Variants in ACVR1 observed in about 807,000 individuals in gnomAD.
ACVR1 encodes the protein activin receptor type-1.
ACVR1 carries 38 observed loss-of-function variants against 57.1 expected under a neutral mutation model. That is an observed-to-expected ratio of 0.67 (90% CI 0.51 to 0.87). The LOEUF (loss-of-function observed/expected upper bound fraction) is 0.87, where lower values mean the gene tolerates loss of function less well. ACVR1 is among the 40% of genes least tolerant of loss of function. The probability of loss-of-function intolerance (pLI) is 0.00; values close to 1 mark genes in which losing one functional copy is unlikely to be tolerated. For missense variants in ACVR1, 463 were observed against 638.2 expected (o/e 0.73, Z 2.96); for synonymous variants, 212 against 228.1 (o/e 0.93, Z 0.63).
intron 1 of ACVR1, among the ~76,000 whole-genome samples, chr2:157,826,876 GA>G (rs1248193275): frequency 1.4e-5 from 2 of 145,620 alleles, no homozygotes; most frequent in Non-Finnish European, 3.0e-5. Flanking sequence ...GAAAGGAAAG[GA>G]AAGGAAAGGA....
chr2:157,792,334 C>A (rs1686947903), intron 3 of ACVR1, among the ~76,000 whole-genome samples: 1 of 152,188 alleles, frequency 6.6e-6, no homozygotes, highest in South Asian at 2.1e-4. Flanking sequence ...ACCCTGCTTG[C>A]AGGGCTCAGA....
At chr2:157,829,062 C>T (rs2105342192) in intron 1 of ACVR1, among the ~76,000 whole-genome samples, 1 of 152,326 alleles carries the variant, frequency 6.6e-6, no homozygotes, top group Admixed American at 6.5e-5. Flanking sequence ...GCCACTGTGT[C>T]TGACTGAGGT....
chr2:157,757,407 C>A (rs2105246592), intron 9 of ACVR1, among the ~76,000 whole-genome samples: 1 of 151,820 alleles, frequency 6.6e-6, no homozygotes. Flanking sequence ...CAAAGATCCC[C>A]AAAAAGATTC....
intron 9 of ACVR1, 35 bp downstream of exon 9, chr2:157,760,845 G>A (rs753602857): frequency 1.9e-6 from 3 of 1,603,086 alleles, no homozygotes; most frequent in African/African-American, 2.7e-5. Flanking sequence ...AGAGAACTTG[G>A]ATTAAGACAA....
chr2:157,826,757 A>G (rs1688380042), intron 1 of ACVR1: 2 of 107,278 alleles, frequency 1.9e-5, no homozygotes, highest in African/African-American at 5.4e-5. Context: ...AAAGGAAAGG[A>G]AAGGAAAGGA....
chr2:157,807,910 C>T, intron 2 of ACVR1, among the ~76,000 whole-genome samples: 1 of 138,768 alleles, frequency 7.2e-6, no homozygotes. Context: ...AGGTACATTT[C>T]TCTCTTTCTC....
chr2:157,782,836 TC>T (rs1574059617), intron 3 of ACVR1, among the ~76,000 whole-genome samples: 1 of 152,184 alleles, frequency 6.6e-6, no homozygotes, highest in African/African-American at 2.4e-5. Context: ...TATTTTAACA[TC>T]CCGAGTACTT....
chr2:157,797,043 A>G lies in ACVR1; in HGVS notation c.67+2384T>C, dbSNP rs143983167. 4.4e-3 allele frequency among the ~76,000 whole-genome samples: 678 copies of G among 152,368 alleles called. 1 individual carries two copies. The highest frequency in any genetic ancestry group is 5.5e-3 in the Non-Finnish European group (372 of 68,036). On this transcript the variant is annotated intron_variant, in intron 3 of 10. Coordinates refer to ENST00000434821, the MANE Select transcript of ACVR1 (RefSeq NM_001111067.4). The stretch of plus-strand genomic sequence containing the variant: ...AGCCACCTAATGTAATTTAAGTTTT[A>G]TCACAGCAGTAGGAAAAAACAGGTG...
chr2:157,828,344 GGAGACT>G (rs1688462360), intron 1 of ACVR1, among the ~76,000 whole-genome samples: 1 of 150,958 alleles, frequency 6.6e-6, no homozygotes, highest in Non-Finnish European at 1.5e-5. Flanking sequence ...CAGCTACTCG[GGAGACT>G]GAGGCGGGAG....
At chr2:157,802,302 T>C (rs139213670) in intron 2 of ACVR1, among the ~76,000 whole-genome samples, 2 of 152,116 alleles carry the variant, frequency 1.3e-5, no homozygotes, top group African/African-American at 4.8e-5. Context: ...GCATGGTGTG[T>C]CCTGAGGACT....
At chr2:157,757,072 G>A (rs1685467889) in intron 9 of ACVR1, among the ~76,000 whole-genome samples, 1 of 141,522 alleles carries the variant, frequency 7.1e-6, no homozygotes, top group Admixed American at 7.1e-5. Context: ...CCCATAAAAA[G>A]AATGAATTAA....
intron 1 of ACVR1, among the ~76,000 whole-genome samples, chr2:157,825,055 T>TTC (rs965529551): frequency 3.9e-5 from 6 of 152,270 alleles, no homozygotes; most frequent in African/African-American, 1.4e-4. Flanking sequence ...AGCCACTCCT[T>TTC]TCTCTCTCTC....
In ACVR1 at chr2:157,760,955, C is replaced by A; in HGVS notation, c.1189G>T (p.Asp397Tyr). Reference protein sequence around the residue: ...LDETIQVDCFDSYKRVDIWAF... With the variant: ...LDETIQVDCFYSYKRVDIWAF... ...CAAATATCGACCCTTTTATAAGAAT[C>A]GAAACAATCCACCTGGATGGTTTCA... Residue 397 changes from aspartate to tyrosine, a missense_variant, in exon 9 of 11, where the codon GAT (aspartate) becomes TAT (tyrosine). Around this residue, in one of 3 missense-constraint regions of ACVR1, gnomAD observed 146 missense variants for 186.6 expected, o/e 0.78. Transcript: ENST00000434821. 1 of 1,614,050 alleles carries A rather than the reference C, an allele frequency of 6.2e-7. No homozygotes were observed. Among genetic ancestry groups the A allele is most frequent in the Non-Finnish European group, 8.5e-7 (1 of 1,179,992 alleles).
At chr2:157,754,283 G>A (rs971919276) in intron 9 of ACVR1, among the ~76,000 whole-genome samples, 3 of 151,856 alleles carry the variant, frequency 2.0e-5, no homozygotes, top group African/African-American at 7.3e-5. Context: ...AAATGAAATC[G>A]AAACAAAAAA....
chr2:157,865,861 T>C (rs1177424424), intron 1 of ACVR1, among the ~76,000 whole-genome samples: 1 of 150,766 alleles, frequency 6.6e-6, no homozygotes, highest in East Asian at 2.0e-4. Flanking sequence ...GATAGATAGA[T>C]AGATTGACTG....
chr2:157,831,494 C>A (rs1440818151), intron 1 of ACVR1, among the ~76,000 whole-genome samples: 2 of 152,138 alleles, frequency 1.3e-5, no homozygotes, highest in Non-Finnish European at 2.9e-5. Context: ...GGCAGATCTA[C>A]CCGAGAAAAA....
chr2:157,862,422 T>TACACACACACACACACACACACACAC (rs68077740), intron 1 of ACVR1, among the ~76,000 whole-genome samples: 1 of 143,654 alleles, frequency 7.0e-6, no homozygotes, highest in African/African-American at 2.6e-5. Flanking sequence ...CATATACACA[T>TACACACACACACACACACACACACAC]ACACACACAC....
At chr2:157,771,054 C>T (rs58729479) in intron 6 of ACVR1, among the ~76,000 whole-genome samples, 8,630 of 152,178 alleles carry the variant, frequency 0.057, 603 homozygotes, top group African/African-American at 0.17. Context: ...AATGTGTGTT[C>T]TAAGGATTAA....
At chr2:157,811,615 C>G (rs1687754768) in intron 2 of ACVR1, among the ~76,000 whole-genome samples, 1 of 152,102 alleles carries the variant, frequency 6.6e-6, no homozygotes, top group Non-Finnish European at 1.5e-5. Context: ...TAATGAGAAT[C>G]ACAGATGTCA....
Sources: gnomAD v4.1 joint callset for allele counts (sites outside exome capture counted in the v4.1 genomes callset) on GRCh38, gnomAD v4.1.1 for gene constraint, gnomAD v4.1.1 regional missense constraint, MANE v1.5 for transcripts, NCBI Gene and HGNC (gene_info 2026-07-23, HGNC 2026-07-21) for gene names.